The following SLC35F4 variants were observed in gnomAD, a reference collection of about 807,000 sequenced individuals.
SLC35F4 encodes the protein chromosome 14 open reading frame 36.
SLC35F4 carries 24 observed loss-of-function variants against 44.2 expected under a neutral mutation model. That is an observed-to-expected ratio of 0.54 (90% CI 0.39 to 0.76). The LOEUF (loss-of-function observed/expected upper bound fraction) is 0.76, where lower values mean the gene tolerates loss of function less well. Among genes scored for constraint, SLC35F4 ranks in the 30% least tolerant of loss-of-function variants. The probability of loss-of-function intolerance (pLI) is 0.00; values close to 1 mark genes in which losing one functional copy is unlikely to be tolerated. For synonymous variants in SLC35F4, 238 were observed against 223.6 expected, an observed-to-expected ratio of 1.06 and a Z score of -0.57; for missense variants, 562 against 586.1, an observed-to-expected ratio of 0.96 and a Z score of 0.42.
intron 1 of SLC35F4, among the ~76,000 whole-genome samples, chr14:57,824,940 C>T (rs1440064318): frequency 1.3e-5 from 2 of 151,954 alleles, no homozygotes; most frequent in Admixed American, 6.6e-5. Context: ...CTCTAGCTTC[C>T]GTGTGAAGAA....
intron 4 of SLC35F4, among the ~76,000 whole-genome samples, chr14:57,572,622 G>T (rs905738399): frequency 6.6e-6 from 1 of 152,216 alleles, no homozygotes; most frequent in Non-Finnish European, 1.5e-5. Context: ...ATGGAAGCCA[G>T]TACTTCCTTT....
intron 4 of SLC35F4, among the ~76,000 whole-genome samples, chr14:57,576,407 CAAGTTG>C (rs2068792166): frequency 1.3e-5 from 2 of 152,090 alleles, no homozygotes; most frequent in African/African-American, 4.8e-5. Flanking sequence ...CTGCTGTGCT[CAAGTTG>C]AAGACTAAAG....
intron 1 of SLC35F4, among the ~76,000 whole-genome samples, chr14:57,683,734 T>G (rs2140311084): frequency 6.6e-6 from 1 of 152,284 alleles, no homozygotes; most frequent in South Asian, 2.1e-4. Context: ...AACGTCAGCC[T>G]AAATACTTGA....
At chr14:57,669,811 C>T (rs893432273) in intron 1 of SLC35F4, among the ~76,000 whole-genome samples, 1 of 152,006 alleles carries the variant, frequency 6.6e-6, no homozygotes, top group African/African-American at 2.4e-5. Context: ...TGTGTCTCTG[C>T]CAGGCTTTGG....
chr14:57,716,906 ATTCTAC>A (rs60299332), intron 1 of SLC35F4, among the ~76,000 whole-genome samples: 59,975 of 151,686 alleles, frequency 0.4, 11,819 homozygotes, highest in Middle Eastern at 0.42. Flanking sequence ...AGTAACCATT[ATTCTAC>A]TCTCTACTTC....
At chr14:57,621,004 G>A (rs1412118682) in intron 1 of SLC35F4, among the ~76,000 whole-genome samples, 1 of 151,432 alleles carries the variant, frequency 6.6e-6, no homozygotes, top group Non-Finnish European at 1.5e-5. Context: ...AAAATCACAA[G>A]CATTCTTATA....
intron 1 of SLC35F4, among the ~76,000 whole-genome samples, chr14:57,733,346 G>C (rs1594911267): frequency 7.6e-6 from 1 of 131,842 alleles, no homozygotes; most frequent in African/African-American, 2.8e-5. Context: ...GCTACAAGGA[G>C]AGTCAATTTT....
chr14:57,947,850 G>C (rs1283202560), intron 1 of SLC35F4, among the ~76,000 whole-genome samples: 1 of 151,988 alleles, frequency 6.6e-6, no homozygotes, highest in Non-Finnish European at 1.5e-5. Flanking sequence ...CATATGTTAA[G>C]CTATCCTGCA....
intron 1 of SLC35F4, among the ~76,000 whole-genome samples, chr14:57,852,410 T>C (rs990992374): frequency 6.6e-6 from 1 of 152,136 alleles, no homozygotes; most frequent in African/African-American, 2.4e-5. Flanking sequence ...TGTAAGATCT[T>C]ATAAGCTGCG....
Position 57,970,041 on chromosome 14 carries a change from A to G in SLC35F4, n.282+11872T>C, listed in dbSNP as rs560562829. Among the ~76,000 whole-genome samples, 120 of 152,374 alleles carry G rather than the reference A, an allele frequency of 7.9e-4. 1 individual carries two copies. The highest frequency in any genetic ancestry group is 2.6e-3 in the African/African-American group (110 of 41,596). ...GGAAAATTAGACCCAAATTTAAATT[A>G]GACCCAAAACACTACCCTAGATTCA... On this transcript the variant is annotated intron_variant and non_coding_transcript_variant, in intron 1 of 1. Coordinates refer to the SLC35F4 transcript ENST00000556568.
chr14:57,837,572 G>T (rs1885064102), intron 1 of SLC35F4: 1 of 152,174 alleles, frequency 6.6e-6, no homozygotes, highest in South Asian at 2.1e-4. Context: ...GTATAGGAGA[G>T]GAAGGGGACT....
intron 1 of SLC35F4, among the ~76,000 whole-genome samples, chr14:57,675,958 A>C (rs764796241): frequency 6.6e-6 from 1 of 152,084 alleles, no homozygotes; most frequent in Non-Finnish European, 1.5e-5. Context: ...ACAACAACAA[A>C]AAATAAATAA....
chr14:57,954,111 G>A (rs1187867152), intron 1 of SLC35F4, among the ~76,000 whole-genome samples: 3 of 152,136 alleles, frequency 2.0e-5, no homozygotes, highest in African/African-American at 7.2e-5. Context: ...CTAGAACTCA[G>A]GATTAGGAAA....
rs1007177104 is a variant in SLC35F4, at chr14:57,675,515, C to T, written c.104-81391G>A. ...TTAGATGCCCTTTATTTCTTTCTCT[C>T]GTCTGATTGCTCTAACCAGGACTTC... On this transcript the variant is annotated intron_variant, in intron 1 of 7. Coordinates refer to ENST00000556826, the MANE Select transcript of SLC35F4 (RefSeq NM_001306087.2). Among the ~76,000 whole-genome samples the T allele has an allele frequency of 2.6e-5, 4 of 151,924 alleles. No homozygotes were observed. In the East Asian group the frequency reaches 5.8e-4, roughly 22 times the overall value.
At chr14:57,787,341 G>T (rs1298359421) in intron 1 of SLC35F4, among the ~76,000 whole-genome samples, 1 of 152,114 alleles carries the variant, frequency 6.6e-6, no homozygotes, top group Admixed American at 6.5e-5. Context: ...AACATATTTG[G>T]GGGAATAATT....
chr14:57,761,081 T>C (rs926829582), intron 1 of SLC35F4, among the ~76,000 whole-genome samples: 1 of 152,154 alleles, frequency 6.6e-6, no homozygotes, highest in South Asian at 2.1e-4. Context: ...CACAGGAAAC[T>C]CTCTCTCCAG....
chr14:57,836,164 G>T (rs1370216261), intron 1 of SLC35F4, among the ~76,000 whole-genome samples: 1 of 152,158 alleles, frequency 6.6e-6, no homozygotes, highest in African/African-American at 2.4e-5. Flanking sequence ...GACTTCAGTA[G>T]TTTAACTAAT....
At chr14:57,634,602 T>C (rs146855914) in intron 1 of SLC35F4, among the ~76,000 whole-genome samples, 3,301 of 152,024 alleles carry the variant, frequency 0.022, 59 homozygotes, top group South Asian at 0.071. Flanking sequence ...AATTCACAGG[T>C]GAGATAAACC....
intron 1 of SLC35F4, among the ~76,000 whole-genome samples, chr14:57,719,711 G>T (rs2076036279): frequency 6.6e-6 from 1 of 151,804 alleles, no homozygotes; most frequent in African/African-American, 2.4e-5. Flanking sequence ...TAGTTTTTTG[G>T]TGGAATCTTT....
Sources: gnomAD v4.1 joint callset for allele counts (sites outside exome capture counted in the v4.1 genomes callset) on GRCh38, gnomAD v4.1.1 for gene constraint, MANE v1.5 for transcripts, NCBI Gene and HGNC (gene_info 2026-07-23, HGNC 2026-07-21) for gene names.